The following DCAKD variants were observed in gnomAD, a reference collection of about 807,000 sequenced individuals.
DCAKD encodes dephospho-CoA kinase domain containing.
In DCAKD, 15 loss-of-function variants were observed where a neutral mutation model predicts 18.7. That is an observed-to-expected ratio of 0.80 (90% confidence interval 0.54 to 1.24). The LOEUF is 1.24. DCAKD is among the 50% of genes most tolerant of loss of function. DCAKD has a pLI of 0.00. For synonymous variants in DCAKD, 130 were observed against 133.0 expected, an observed-to-expected ratio of 0.98 and a Z score of 0.16; for missense variants, 301 against 322.0, an observed-to-expected ratio of 0.93 and a Z score of 0.50.
Position 45,056,706 on chromosome 17 carries a change from C to T in DCAKD, c.-118+4182G>A, listed in dbSNP as rs139306896. 1.1e-3 allele frequency among the ~76,000 whole-genome samples: 175 copies of T among 152,244 alleles called. 2 individuals carry two copies. The East Asian group carries it at 0.027, about 24-fold the overall frequency. ...GCCAGGCTGGTCTCAAACTCCTGAC[C>T]TCAGGTGATCCGCCTGCCTTGGCCT... is the stretch of plus-strand genomic sequence containing the variant. On this transcript the variant is annotated intron_variant, in intron 1 of 4. Coordinates refer to the DCAKD transcript ENST00000310604.
At chr17:45,057,131 G>A (rs1418762138) in intron 1 of DCAKD, among the ~76,000 whole-genome samples, 1 of 151,814 alleles carries the variant, frequency 6.6e-6, no homozygotes, top group African/African-American at 2.4e-5. Flanking sequence ...GCAGTGGCAT[G>A]ATCCTGGGTT....
chr17:45,031,638 C>T (rs2053172655), intron 3 of DCAKD: 12 of 985,274 alleles, frequency 1.2e-5, no homozygotes, highest in Non-Finnish European at 1.4e-5. Context: ...CCTCTTATCT[C>T]CCTTTCCTGT....
In DCAKD at chr17:45,034,897, G is replaced by A. The variant is rs2053257747; in HGVS notation, c.-12C>T. 1 of 1,613,812 alleles carries A rather than the reference G, an allele frequency of 6.2e-7. No individual in the cohort carries two copies. Among genetic ancestry groups the A allele is most frequent in the African/African-American group, 1.3e-5 (1 of 74,930 alleles). Reference sequence around the variant, plus strand: ...CCCACCAGAAACATCTTCCAGGAAAGAGAGCTGTCCGCGAGACTACGGAGC... The same window carrying A: ...CCCACCAGAAACATCTTCCAGGAAAAAGAGCTGTCCGCGAGACTACGGAGC... On this transcript the variant is annotated 5_prime_UTR_variant, in exon 2 of 5. Coordinates refer to ENST00000651974, the MANE Select transcript of DCAKD (RefSeq NM_001288655.2).
exon 1 of DCAKD, chr17:45,060,932 A>C: frequency 1.3e-6 from 1 of 788,570 alleles, no homozygotes; most frequent in Non-Finnish European, 1.6e-6. Context: ...AACGGCTCCC[A>C]GCGGCCCAGG....
At chr17:45,038,121 G>A (rs1002056217) in intron 1 of DCAKD, among the ~76,000 whole-genome samples, 12 of 151,862 alleles carry the variant, frequency 7.9e-5, no homozygotes, top group Non-Finnish European at 1.6e-4. Flanking sequence ...CTGTCCCCCA[G>A]GGTGGCGTGC....
At chr17:45,025,567 G>A (rs2053036242) in intron 4 of DCAKD, among the ~76,000 whole-genome samples, 1 of 152,050 alleles carries the variant, frequency 6.6e-6, no homozygotes. Flanking sequence ...CTCTGGAGCG[G>A]GGTTACCTCT....
intron 3 of DCAKD, among the ~76,000 whole-genome samples, chr17:45,032,273 C>T (rs1031705507): frequency 1.3e-5 from 2 of 152,072 alleles, no homozygotes; most frequent in South Asian, 2.1e-4. Flanking sequence ...AGGAGGCCTG[C>T]GGCATGGTGC....
chr17:45,056,074 G>T (rs1457249342), upstream of DCAKD, among the ~76,000 whole-genome samples: 4 of 151,354 alleles, frequency 2.6e-5, no homozygotes, highest in Non-Finnish European at 5.9e-5. Context: ...AGAATCGCTT[G>T]AACTCAGGAG....
chr17:45,042,873 C>T (rs539094367), intron 1 of DCAKD, among the ~76,000 whole-genome samples: 1 of 152,324 alleles, frequency 6.6e-6, no homozygotes, highest in South Asian at 2.1e-4. Flanking sequence ...GTCCTCCCTG[C>T]TCCCTTTGCC....
chr17:45,028,271 G>A (rs2053099302), intron 4 of DCAKD, among the ~76,000 whole-genome samples: 1 of 151,456 alleles, frequency 6.6e-6, no homozygotes, highest in Admixed American at 6.6e-5. Context: ...ATGATGCCCA[G>A]CTAATTTTTT....
At chr17:45,032,854 A>C (rs972498351) in intron 3 of DCAKD, among the ~76,000 whole-genome samples, 9 of 151,956 alleles carry the variant, frequency 5.9e-5, no homozygotes, top group African/African-American at 2.2e-4. Flanking sequence ...GTGGGGTGAC[A>C]GGCAACCAGG....
At chr17:45,032,181 T>A in intron 3 of DCAKD, 1 of 955,292 alleles carries the variant, frequency 1.0e-6, no homozygotes, top group Non-Finnish European at 1.2e-6. Context: ...TCACTCTGGG[T>A]GGGGGACGGG....
At chr17:45,031,918 G>T (rs1348025997) in intron 3 of DCAKD, 1 of 985,354 alleles carries the variant, frequency 1.0e-6, no homozygotes, top group African/African-American at 1.7e-5. Flanking sequence ...TGGGACTGTG[G>T]AAGCCACAGC....
chr17:45,035,087 G>C (rs985596995), intron 1 of DCAKD, 88 bp from the exon 2 acceptor site: 5 of 570,988 alleles, frequency 8.8e-6, no homozygotes, highest in Middle Eastern at 4.4e-4. Flanking sequence ...AGACAGCTTG[G>C]CTGGGGAGGG....
In DCAKD at chr17:45,051,594, A is replaced by G. The variant is rs958482232; in HGVS notation, c.-348T>C. On this transcript the variant is annotated 5_prime_UTR_variant, in exon 1 of 5. Transcript: ENST00000651974. ...GGCCCAGGCCTCCGCCTCTAGCCCA[A>G]TCTCCGCAGCGCTTACAGGCCGGCT... The G allele has an allele frequency of 6.6e-6, 1 of 150,652 alleles. No individual in the cohort carries two copies. The highest frequency in any genetic ancestry group is 1.5e-5 in the Non-Finnish European group (1 of 67,640). 9.3% of individuals were successfully genotyped at this position (150,652 alleles called of 1,614,324 possible). A position where few individuals can be genotyped will look rare whatever the true frequency, so the allele number is the denominator to read the frequency against.
chr17:45,047,570 A>T (rs999477089), intron 1 of DCAKD, among the ~76,000 whole-genome samples: 7 of 138,478 alleles, frequency 5.1e-5, no homozygotes, highest in Non-Finnish European at 3.0e-5. Context: ...CAGTGGCGCG[A>T]TCTTGGCTCA....
chr17:45,031,929 TGTC>T (rs2053177970), intron 3 of DCAKD: 2 of 985,348 alleles, frequency 2.0e-6, no homozygotes, highest in Non-Finnish European at 2.4e-6. Context: ...AAGCCACAGC[TGTC>T]GTCCTCATTT....
intron 1 of DCAKD, among the ~76,000 whole-genome samples, chr17:45,044,358 A>C (rs2053514118): frequency 6.6e-6 from 1 of 152,076 alleles, no homozygotes; most frequent in African/African-American, 2.4e-5. Context: ...GTCCCGCTGA[A>C]CCCAACCCCC....
At chr17:45,030,887 A>G in intron 3 of DCAKD, 3 of 767,152 alleles carry the variant, frequency 3.9e-6, no homozygotes, top group Non-Finnish European at 4.8e-6. Context: ...TGTAAAAGGC[A>G]CTGGCTGGAC....
Sources: allele counts gnomAD v4.1 joint callset (sites outside exome capture counted in the v4.1 genomes callset), GRCh38; gene constraint gnomAD v4.1.1; transcripts MANE v1.5; gene names NCBI Gene and HGNC (gene_info 2026-07-23, HGNC 2026-07-21).